CNTN5: variants seen among roughly 807,000 people sequenced by gnomAD.
CNTN5 encodes the protein contactin-5.
In CNTN5, 77 loss-of-function variants were observed where a neutral mutation model predicts 129.1. That is an observed-to-expected ratio of 0.60 (90% CI 0.50 to 0.72). CNTN5 has a LOEUF of 0.72. CNTN5 is among the 30% of genes least tolerant of loss of function. The probability of loss-of-function intolerance (pLI) is 0.00; values close to 1 mark genes in which losing one functional copy is unlikely to be tolerated. For missense variants in CNTN5, 1,478 were observed against 1,328.8 expected (o/e 1.11, Z -1.75); for synonymous variants, 509 against 465.6 (o/e 1.09, Z -1.20).
At chr11:100,121,072 T>C (rs1018414893) in intron 13 of CNTN5, among the ~76,000 whole-genome samples, 12 of 152,028 alleles carry the variant, frequency 7.9e-5, no homozygotes, top group Non-Finnish European at 1.8e-4. Flanking sequence ...TCATAGTTTA[T>C]GTGACATGGG....
intron 2 of CNTN5, among the ~76,000 whole-genome samples, chr11:99,337,803 A>C (rs1048124326): frequency 6.6e-6 from 1 of 152,172 alleles, no homozygotes; most frequent in Non-Finnish European, 1.5e-5. Context: ...AAAAATGTAT[A>C]AGAAGTCTTT....
At chr11:99,220,004 G>A (rs1340622851) in intron 1 of CNTN5, among the ~76,000 whole-genome samples, 1 of 151,926 alleles carries the variant, frequency 6.6e-6, no homozygotes, top group Non-Finnish European at 1.5e-5. Context: ...TCAGAGATAG[G>A]AACACAGAGA....
At chr11:99,599,532 A>T (rs1383805310) in intron 3 of CNTN5, among the ~76,000 whole-genome samples, 2 of 152,300 alleles carry the variant, frequency 1.3e-5, no homozygotes, top group South Asian at 2.1e-4. Context: ...ATAGTGTTCT[A>T]TGTTGAAGGG....
chr11:99,940,782 A>T (rs1008329669), intron 7 of CNTN5, among the ~76,000 whole-genome samples: 4 of 152,210 alleles, frequency 2.6e-5, no homozygotes, highest in African/African-American at 9.6e-5. Flanking sequence ...CCACTGGAAA[A>T]TATGGTATTT....
At chr11:99,908,501 C>G (rs766674820) in intron 6 of CNTN5, among the ~76,000 whole-genome samples, 1 of 151,856 alleles carries the variant, frequency 6.6e-6, no homozygotes, top group Admixed American at 6.6e-5. Context: ...TCAATTAAGA[C>G]TGATCTGAAT....
chr11:99,788,133 C>T (rs986160327), intron 3 of CNTN5, among the ~76,000 whole-genome samples: 1 of 151,946 alleles, frequency 6.6e-6, no homozygotes. Flanking sequence ...CCAGTTTGTA[C>T]ACTTTTTCTG....
At chr11:100,316,476 A>T (rs1170660170) in intron 21 of CNTN5, among the ~76,000 whole-genome samples, 1 of 152,156 alleles carries the variant, frequency 6.6e-6, no homozygotes, top group African/African-American at 2.4e-5. Flanking sequence ...TTACCCCAGG[A>T]TTTCTTAGCA....
chr11:100,230,981 C>T (rs1949474927), intron 16 of CNTN5, among the ~76,000 whole-genome samples: 1 of 152,206 alleles, frequency 6.6e-6, no homozygotes, highest in Admixed American at 6.5e-5. Flanking sequence ...AGTCACTTCA[C>T]ATCTGTGTAA....
chr11:99,511,754 T>G (rs1160199805), intron 2 of CNTN5, among the ~76,000 whole-genome samples: 1 of 152,048 alleles, frequency 6.6e-6, no homozygotes, highest in African/African-American at 2.4e-5. Context: ...ATATTTAGCA[T>G]GGCACATGTA....
chr11:99,401,397 T>C (rs1195185328), intron 2 of CNTN5, among the ~76,000 whole-genome samples: 2 of 152,134 alleles, frequency 1.3e-5, no homozygotes, highest in African/African-American at 2.4e-5. Flanking sequence ...TGTAGGTATG[T>C]GGATTTGTTC....
At chr11:99,169,315 T>C (rs981739372) in intron 1 of CNTN5, among the ~76,000 whole-genome samples, 1 of 152,116 alleles carries the variant, frequency 6.6e-6, no homozygotes, top group Admixed American at 6.6e-5. Flanking sequence ...TGTGCTATTT[T>C]ATAGTCATGA....
At chr11:99,747,393 A>G (rs1469760146) in intron 3 of CNTN5, among the ~76,000 whole-genome samples, 2 of 141,320 alleles carry the variant, frequency 1.4e-5, no homozygotes, top group African/African-American at 5.3e-5. Context: ...ATTCGAATAT[A>G]TTTATTTCTT....
At chr11:99,846,261 G>C (rs1185629366) in intron 6 of CNTN5, among the ~76,000 whole-genome samples, 3 of 150,564 alleles carry the variant, frequency 2.0e-5, no homozygotes, top group African/African-American at 7.3e-5. Context: ...GGGAGGCTGA[G>C]GCAGGAGAAT....
chr11:100,050,903 G>A (rs978413798), intron 9 of CNTN5, among the ~76,000 whole-genome samples: 1 of 151,982 alleles, frequency 6.6e-6, no homozygotes, highest in African/African-American at 2.4e-5. Flanking sequence ...AATCCAAAAT[G>A]TATATGCACC....
intron 1 of CNTN5, among the ~76,000 whole-genome samples, chr11:99,023,466 G>A (rs1216816370): frequency 1.3e-5 from 2 of 152,168 alleles, no homozygotes; most frequent in East Asian, 1.9e-4. Context: ...CAAAGGGCCC[G>A]CATAGGCTGG....
intron 4 of CNTN5, among the ~76,000 whole-genome samples, chr11:99,831,686 T>A (rs1947145409): frequency 6.6e-6 from 1 of 152,164 alleles, no homozygotes; most frequent in South Asian, 2.1e-4. Flanking sequence ...AAGCTGGTCA[T>A]CATCAGTTGT....
intron 6 of CNTN5, among the ~76,000 whole-genome samples, chr11:99,885,894 G>A (rs1948889547): frequency 6.6e-6 from 1 of 151,816 alleles, no homozygotes; most frequent in African/African-American, 2.4e-5. Flanking sequence ...TGATTCAAGA[G>A]GAAATTAAAG....
chr11:100,318,664 C>T (rs921155631), intron 21 of CNTN5, among the ~76,000 whole-genome samples: 4 of 152,114 alleles, frequency 2.6e-5, no homozygotes, highest in African/African-American at 9.7e-5. Context: ...GTGAAAAAAT[C>T]TTCTTCCTCT....
chr11:99,205,399 G>A (rs1171458104), intron 1 of CNTN5, among the ~76,000 whole-genome samples: 4 of 151,952 alleles, frequency 2.6e-5, no homozygotes, highest in Non-Finnish European at 2.9e-5. Flanking sequence ...AGAGCTTACC[G>A]AGACTTCCCT....
Sources: allele counts gnomAD v4.1 joint callset (sites outside exome capture counted in the v4.1 genomes callset), GRCh38; gene constraint gnomAD v4.1.1; transcripts MANE v1.5; gene names NCBI Gene and HGNC (gene_info 2026-07-23, HGNC 2026-07-21).